Variants in TOX observed in about 807,000 individuals in gnomAD.
TOX encodes thymocyte selection associated high mobility group box, also known as thymocyte selection-associated high mobility group box protein TOX.
A neutral mutation model predicts 53.7 loss-of-function variants in TOX; 11 were observed. The observed-to-expected ratio is 0.20, with a 90% CI of 0.13 to 0.34. The LOEUF (loss-of-function observed/expected upper bound fraction) is 0.34. Ranked by LOEUF, TOX falls within the 10% of genes least tolerant of loss-of-function variation. TOX has a pLI of 1.00. For synonymous variants in TOX, 225 were observed against 245.3 expected, an observed-to-expected ratio of 0.92 and a Z score of 0.77; for missense variants, 570 against 664.6, an observed-to-expected ratio of 0.86 and a Z score of 1.56.
At chr8:58,961,270 G>A (rs1812791346) in intron 1 of TOX, among the ~76,000 whole-genome samples, 1 of 152,082 alleles carries the variant, frequency 6.6e-6, no homozygotes, top group Non-Finnish European at 1.5e-5. Context: ...CCTCCCTAAA[G>A]ACATGGAAGC....
intron 3 of TOX, among the ~76,000 whole-genome samples, chr8:58,929,732 A>T (rs1189548803): frequency 1.3e-5 from 2 of 152,204 alleles, no homozygotes; most frequent in African/African-American, 4.8e-5. Flanking sequence ...AGTCAAAGAC[A>T]TGGCAAGCTG....
intron 3 of TOX, among the ~76,000 whole-genome samples, chr8:58,900,017 G>A (rs1349484515): frequency 6.6e-6 from 1 of 151,850 alleles, no homozygotes; most frequent in Non-Finnish European, 1.5e-5. Flanking sequence ...TATCATTTCA[G>A]GAGATGGTCC....
chr8:59,051,436 A>T (rs1184892696), intron 1 of TOX, among the ~76,000 whole-genome samples: 2 of 152,154 alleles, frequency 1.3e-5, no homozygotes, highest in Non-Finnish European at 2.9e-5. Flanking sequence ...AAAAACAAAC[A>T]AAATTTTCAT....
At chr8:59,012,689 A>G (rs1226266296) in intron 1 of TOX, among the ~76,000 whole-genome samples, 2 of 152,244 alleles carry the variant, frequency 1.3e-5, no homozygotes, top group Non-Finnish European at 2.9e-5. Flanking sequence ...TTTAATTAAT[A>G]AAATAGCACA....
intron 1 of TOX, among the ~76,000 whole-genome samples, chr8:59,038,990 C>T (rs1803520816): frequency 1.3e-5 from 2 of 152,228 alleles, no homozygotes; most frequent in Admixed American, 1.3e-4. Flanking sequence ...CAGCTTTGGC[C>T]TCAGGCAAAG....
chr8:59,016,034 C>A (rs1353758830), intron 1 of TOX, among the ~76,000 whole-genome samples: 2 of 151,932 alleles, frequency 1.3e-5, no homozygotes, highest in Non-Finnish European at 2.9e-5. Flanking sequence ...ATATTGATGA[C>A]CTAAATAACA....
intron 1 of TOX, among the ~76,000 whole-genome samples, chr8:59,114,834 A>G (rs1805075620): frequency 6.6e-6 from 1 of 152,202 alleles, no homozygotes; most frequent in African/African-American, 2.4e-5. Context: ...ATTAAAGTAT[A>G]ATACATAATA....
intron 1 of TOX, among the ~76,000 whole-genome samples, chr8:58,965,814 C>A (rs1812885055): frequency 7.1e-6 from 1 of 140,726 alleles, no homozygotes; most frequent in South Asian, 2.4e-4. Context: ...TATAATAAAT[C>A]ATTTTTAGAG....
intron 3 of TOX, among the ~76,000 whole-genome samples, chr8:58,907,990 T>C (rs909550582): frequency 3.3e-5 from 5 of 152,222 alleles, no homozygotes; most frequent in Admixed American, 1.3e-4. Flanking sequence ...GTTTGTTACA[T>C]AGGTAAACAT....
intron 1 of TOX, among the ~76,000 whole-genome samples, chr8:59,065,998 C>CA (rs1241550155): frequency 6.6e-6 from 1 of 152,052 alleles, no homozygotes; most frequent in African/African-American, 2.4e-5. Flanking sequence ...TCCAAATAGA[C>CA]AAAAGATGTC....
chr8:58,832,173 A>AAT (rs34527727), intron 5 of TOX, among the ~76,000 whole-genome samples: 43 of 147,120 alleles, frequency 2.9e-4, no homozygotes, highest in African/African-American at 1.0e-3. Flanking sequence ...TAATATATGT[A>AAT]ATATATATAT....
At chr8:58,825,777 A>T (rs1810355458) in intron 6 of TOX, among the ~76,000 whole-genome samples, 1 of 152,242 alleles carries the variant, frequency 6.6e-6, no homozygotes, top group Admixed American at 6.5e-5. Flanking sequence ...TTTTATACAC[A>T]TTCTATGTAA....
chr8:59,010,111 A>C (rs1813874071), intron 1 of TOX, among the ~76,000 whole-genome samples: 1 of 152,228 alleles, frequency 6.6e-6, no homozygotes. Context: ...AATAGTGTAG[A>C]ATTCACGAGT....
At chr8:58,839,019 T>C (rs949313626) in intron 4 of TOX, among the ~76,000 whole-genome samples, 5 of 152,172 alleles carry the variant, frequency 3.3e-5, no homozygotes, top group African/African-American at 1.2e-4. Context: ...TTTCTAATTA[T>C]GGCTTTAAAA....
chr8:59,041,738 T>C (rs1208075768), intron 1 of TOX, among the ~76,000 whole-genome samples: 6 of 152,220 alleles, frequency 3.9e-5, no homozygotes, highest in Non-Finnish European at 8.8e-5. Flanking sequence ...TTAAAGGTCT[T>C]GAATTCTTGT....
rs547940979 is a variant in TOX, at chr8:59,000,274, T to A, written c.103-40266A>T. 1.3e-4 allele frequency among the ~76,000 whole-genome samples: 20 copies of A among 152,164 alleles called. No individual in the cohort carries two copies. In the East Asian group the frequency reaches 3.7e-3, roughly 28 times the overall value. On this transcript the variant is annotated intron_variant, in intron 1 of 8. Coordinates refer to ENST00000361421, the MANE Select transcript of TOX (RefSeq NM_014729.3). Reference sequence around the variant, plus strand: ...AAATTGATTGGCAGCAAGGGAGAAGTGATATTGAAGAGAAAGTGATAAGAA... The same window carrying A: ...AAATTGATTGGCAGCAAGGGAGAAGAGATATTGAAGAGAAAGTGATAAGAA...
In TOX at chr8:58,930,019, T is replaced by C. The variant is rs111739629; in HGVS notation, c.411+9283A>G. On this transcript the variant is annotated intron_variant, in intron 3 of 8. Transcript: ENST00000361421. ...ATTTAATAGTGGAATAGGTTAGAAA[T>C]GATCAGTAGTAAGTTGATTAAGTAT... 3.1e-3 allele frequency among the ~76,000 whole-genome samples: 473 copies of C among 152,344 alleles called. 3 individuals are homozygous for C. The highest frequency in any genetic ancestry group is 0.011 in the African/African-American group (450 of 41,586).
intron 3 of TOX, among the ~76,000 whole-genome samples, chr8:58,930,582 G>A (rs1008406355): frequency 2.6e-5 from 4 of 152,184 alleles, no homozygotes; most frequent in Non-Finnish European, 4.4e-5. Context: ...GTAGGAGAGG[G>A]AGGACAGAAC....
At chr8:59,023,753 C>A (rs1814183091) in intron 1 of TOX, among the ~76,000 whole-genome samples, 1 of 152,170 alleles carries the variant, frequency 6.6e-6, no homozygotes, top group Admixed American at 6.6e-5. Context: ...AATACTGACT[C>A]CAACACAGAG....
Sources: gnomAD v4.1 joint callset for allele counts (sites outside exome capture counted in the v4.1 genomes callset) on GRCh38, gnomAD v4.1.1 for gene constraint, MANE v1.5 for transcripts, NCBI Gene and HGNC (gene_info 2026-07-23, HGNC 2026-07-21) for gene names.